Variants in SUMF1 observed in about 807,000 individuals in gnomAD.
The protein encoded by SUMF1 is sulfatase modifying factor 1, also known as formylglycine-generating enzyme.
In SUMF1, 48 loss-of-function variants were observed where a neutral mutation model predicts 47.6. The observed-to-expected ratio is 1.01, with a 90% confidence interval of 0.80 to 1.28. SUMF1 has a LOEUF of 1.28. Ranked by LOEUF, SUMF1 falls within the 50% of genes most tolerant of loss-of-function variation. The pLI is 0.00. For missense variants in SUMF1, 571 were observed against 485.4 expected (o/e 1.18, Z -1.66); for synonymous variants, 230 against 192.1 (o/e 1.20, Z -1.63).
At chr3:4,177,483 G>C (rs1274266588) in intron 8 of SUMF1, among the ~76,000 whole-genome samples, 2 of 152,124 alleles carry the variant, frequency 1.3e-5, no homozygotes, top group Non-Finnish European at 2.9e-5. Context: ...GATGTTCTTT[G>C]AAACCAATGA....
At chr3:4,334,990 C>G (rs308738) in intron 8 of SUMF1, among the ~76,000 whole-genome samples, 1 of 151,902 alleles carries the variant, frequency 6.6e-6, no homozygotes, top group Non-Finnish European at 1.5e-5. Flanking sequence ...GGCAGTCTTA[C>G]GTAAATAAAA....
At chr3:4,340,110 C>A (rs1461582283) in intron 8 of SUMF1, among the ~76,000 whole-genome samples, 1 of 151,832 alleles carries the variant, frequency 6.6e-6, no homozygotes, top group Non-Finnish European at 1.5e-5. Flanking sequence ...AATGTGCACA[C>A]ACACACACAC....
In SUMF1 at chr3:4,398,185, C is replaced by T. The variant is rs1186454777; in HGVS notation, c.954+12680G>A. ...AGCAATAAATGTATATGTATGTAAA[C>T]CCACCGAGGTGGGTTTGCTTGCTCT... is the stretch of plus-strand genomic sequence containing the variant. On this transcript the variant is annotated intron_variant, in intron 7 of 8. Transcript: ENST00000272902. Among the ~76,000 whole-genome samples the T allele has an allele frequency of 2.0e-5, 3 of 151,988 alleles. No homozygotes were observed. In the East Asian group the frequency reaches 5.8e-4, roughly 29 times the overall value.
At position 4,053,886 on chromosome 3, in the gene SUMF1, A is replaced by G. The variant is rs578240360; in HGVS notation, c.1191+14683T>C. Among the ~76,000 whole-genome samples, 5 of 152,308 alleles carry G rather than the reference A, an allele frequency of 3.3e-5. No homozygotes were observed. In the East Asian group the frequency reaches 5.8e-4, roughly 18 times the overall value. The stretch of plus-strand genomic sequence containing the variant: ...TGGATAAACTTAGAAAATGAAAAAC[A>G]TAACACCTATGAAGTCCTTCCAATA... On this transcript the variant is annotated intron_variant and NMD_transcript_variant, in intron 9 of 12. Transcript: ENST00000448413.
At chr3:4,170,377 G>T (rs1452722910) in intron 8 of SUMF1, among the ~76,000 whole-genome samples, 1 of 152,110 alleles carries the variant, frequency 6.6e-6, no homozygotes, top group Non-Finnish European at 1.5e-5. Flanking sequence ...AATATCTGGG[G>T]GTAGGGCCTG....
In SUMF1 at chr3:4,435,424, G is replaced by A. The variant is rs1177024758; in HGVS notation, c.519+13842C>T. 2.0e-5 allele frequency among the ~76,000 whole-genome samples: 3 copies of A among 152,136 alleles called. No individual in the cohort carries two copies. The East Asian group carries it at 5.8e-4, about 29-fold the overall frequency. On this transcript the variant is annotated intron_variant, in intron 3 of 8. Coordinates refer to ENST00000272902, the MANE Select transcript of SUMF1 (RefSeq NM_182760.4). ...AGGAACCTCTGGGATACTATCAAAA[G>A]GTCTAACATTTATGCACTGGAGTCC...
intron 9 of SUMF1, among the ~76,000 whole-genome samples, chr3:4,042,659 A>C (rs557856183): frequency 6.6e-6 from 1 of 152,280 alleles, no homozygotes; most frequent in Admixed American, 6.5e-5. Flanking sequence ...CTGAGTACTC[A>C]TATGGGCACA....
At chr3:4,240,427 A>C (rs1422342567) in intron 8 of SUMF1, among the ~76,000 whole-genome samples, 1 of 151,942 alleles carries the variant, frequency 6.6e-6, no homozygotes, top group African/African-American at 2.4e-5. Flanking sequence ...ATTTTAGTTA[A>C]AGTTTGTGAT....
chr3:4,165,709 C>A (rs1460426750), intron 8 of SUMF1, among the ~76,000 whole-genome samples: 1 of 151,974 alleles, frequency 6.6e-6, no homozygotes, highest in Non-Finnish European at 1.5e-5. Flanking sequence ...TGGGGCCAGA[C>A]CATGGTGCAG....
intron 9 of SUMF1, among the ~76,000 whole-genome samples, chr3:4,047,447 C>T (rs1378960137): frequency 6.6e-6 from 1 of 152,140 alleles, no homozygotes; most frequent in Admixed American, 6.6e-5. Context: ...TGGCTCTTCA[C>T]ATTCTTTGCA....
chr3:4,291,802 A>G (rs1031459756), intron 8 of SUMF1, among the ~76,000 whole-genome samples: 4 of 152,218 alleles, frequency 2.6e-5, no homozygotes, highest in African/African-American at 7.2e-5. Context: ...TGTGGGCCAC[A>G]TTTCCAACTA....
intron 8 of SUMF1, among the ~76,000 whole-genome samples, chr3:4,231,839 G>C (rs1203663740): frequency 2.0e-5 from 3 of 152,096 alleles, no homozygotes; most frequent in African/African-American, 7.2e-5. Flanking sequence ...TTATGTCACA[G>C]TCATAAAGAA....
intron 8 of SUMF1, among the ~76,000 whole-genome samples, chr3:4,273,505 G>C (rs1050946235): frequency 7.2e-5 from 11 of 152,160 alleles, no homozygotes; most frequent in African/African-American, 1.9e-4. Context: ...GCCTGAGGCT[G>C]AAGGCGGAAA....
intron 8 of SUMF1, among the ~76,000 whole-genome samples, chr3:4,354,556 C>A (rs774162721): frequency 6.6e-6 from 1 of 152,142 alleles, no homozygotes; most frequent in Non-Finnish European, 1.5e-5. Context: ...TGGGACAGAC[C>A]GACCGCGCAG....
intron 8 of SUMF1, among the ~76,000 whole-genome samples, chr3:4,295,542 T>C (rs556547926): frequency 1.1e-4 from 16 of 152,166 alleles, no homozygotes; most frequent in Non-Finnish European, 2.2e-4. Context: ...GAACGTGAAA[T>C]GAACGAACCG....
In SUMF1 at chr3:4,115,633, G is replaced by C. The variant is rs543833035; in HGVS notation, c.1015-46888C>G. Among the ~76,000 whole-genome samples, 3 of 152,234 alleles carry C rather than the reference G, an allele frequency of 2.0e-5. No individual in the cohort carries two copies. In the South Asian group the frequency reaches 6.2e-4, roughly 32 times the overall value. ...CACACCCGCATCGCACCCTCTGCGAGGGGGATAAGGGAACTTTCCCCATTT... is the reference window on the plus strand; with the variant it reads ...CACACCCGCATCGCACCCTCTGCGACGGGGATAAGGGAACTTTCCCCATTT... On this transcript the variant is annotated intron_variant and NMD_transcript_variant, in intron 8 of 12. Transcript: ENST00000448413.
intron 9 of SUMF1, among the ~76,000 whole-genome samples, chr3:4,045,572 C>T (rs528173269): frequency 6.6e-6 from 1 of 152,052 alleles, no homozygotes; most frequent in Non-Finnish European, 1.5e-5. Context: ...TGTAGAATTA[C>T]TATTTGATTT....
At chr3:4,265,220 T>G (rs533216846) in intron 8 of SUMF1, among the ~76,000 whole-genome samples, 1 of 151,978 alleles carries the variant, frequency 6.6e-6, no homozygotes, top group Non-Finnish European at 1.5e-5. Flanking sequence ...TCCCTGGTTG[T>G]GTGAATATTT....
intron 8 of SUMF1, among the ~76,000 whole-genome samples, chr3:4,249,719 C>T (rs1696750364): frequency 1.3e-5 from 2 of 152,110 alleles, no homozygotes. Context: ...CACTTTAAAT[C>T]AAGAGAGTTA....
Sources: gnomAD v4.1 joint callset for allele counts (sites outside exome capture counted in the v4.1 genomes callset) on GRCh38, gnomAD v4.1.1 for gene constraint, MANE v1.5 for transcripts, NCBI Gene and HGNC (gene_info 2026-07-23, HGNC 2026-07-21) for gene names.